TTLL5: variants seen among roughly 807,000 people sequenced by gnomAD.
The protein encoded by TTLL5 is tubulin tyrosine ligase like 5.
In TTLL5, 132 loss-of-function variants were observed where a neutral mutation model predicts 168.4. The ratio of observed to expected loss-of-function variants is 0.78; its 90% confidence interval spans 0.68 to 0.91. TTLL5 has a LOEUF of 0.91. Among genes scored for constraint, TTLL5 ranks in the 40% least tolerant of loss-of-function variants. TTLL5 has a pLI of 0.00. For missense variants in TTLL5, 1,545 were observed against 1,581.5 expected (o/e 0.98, Z 0.39); for synonymous variants, 546 against 558.6 (o/e 0.98, Z 0.32).
chr14:75,747,386 G>T (rs1467854367), intron 17 of TTLL5, among the ~76,000 whole-genome samples: 1 of 151,840 alleles, frequency 6.6e-6, no homozygotes, highest in African/African-American at 2.4e-5. Context: ...TCATTTTGGG[G>T]TCTGTTTCTA....
At chr14:75,914,033 A>AAAAAAAAAAAAATATATAT in intron 31 of TTLL5, among the ~76,000 whole-genome samples, 7 of 71,104 alleles carry the variant, frequency 9.8e-5, no homozygotes, top group Non-Finnish European at 1.5e-4. Flanking sequence ...AAAAAAAAAA[A>AAAAAAAAAAAAATATATAT]ATATATATAT....
chr14:75,934,348 T>G (rs2034369866), intron 31 of TTLL5, among the ~76,000 whole-genome samples: 1 of 152,160 alleles, frequency 6.6e-6, no homozygotes, highest in Non-Finnish European at 1.5e-5. Flanking sequence ...GTAAAGCATT[T>G]AGAGGTGGAC....
chr14:75,942,111 A>G (rs1048941302), intron 31 of TTLL5, among the ~76,000 whole-genome samples: 2 of 151,110 alleles, frequency 1.3e-5, no homozygotes, highest in African/African-American at 4.9e-5. Flanking sequence ...TGAACCAGGG[A>G]GGCGGAGCTT....
At chr14:75,688,538 G>A (rs1222999054) in intron 5 of TTLL5, among the ~76,000 whole-genome samples, 1 of 152,176 alleles carries the variant, frequency 6.6e-6, no homozygotes, top group African/African-American at 2.4e-5. Context: ...TCCCAAGGAG[G>A]GAGTCGTAGG....
rs986023977 is a variant in TTLL5 at position 75,920,111 on chromosome 14, T to A, written c.3823+17887T>A. Among the ~76,000 whole-genome samples the A allele has an allele frequency of 6.8e-5, 9 of 133,084 alleles. No individual in the cohort carries two copies. The Admixed American group carries it at 7.6e-4, about 11-fold the overall frequency. 87.3% of individuals were successfully genotyped at this position (133,084 alleles called of 152,430 possible). ...CACTCCAGCCTGGGTGAGAGTGAGA[T>A]CCTGTCTCAAAAGCAACAACAACAA... On this transcript the variant is annotated intron_variant, in intron 31 of 31. Coordinates refer to ENST00000298832, the MANE Select transcript of TTLL5 (RefSeq NM_015072.5).
chr14:75,934,387 G>A (rs1239667743), intron 31 of TTLL5, among the ~76,000 whole-genome samples: 1 of 152,178 alleles, frequency 6.6e-6, no homozygotes, highest in Non-Finnish European at 1.5e-5. Context: ...TGATACTGTA[G>A]ATTCAACCTC....
intron 26 of TTLL5, 111 bp from the exon 27 acceptor site, chr14:75,792,805 G>C: frequency 1.2e-6 from 1 of 868,816 alleles, no homozygotes; most frequent in Non-Finnish European, 1.6e-6. Flanking sequence ...TATTATTAAA[G>C]ATCCTTAGGG....
chr14:75,897,187 T>C (rs2359989), intron 30 of TTLL5, among the ~76,000 whole-genome samples: 131,845 of 151,910 alleles, frequency 0.87, 57,295 homozygotes, highest in East Asian at 0.92. Context: ...CTCAGAAAAA[T>C]GGCAGAGGCA....
At chr14:75,751,437 T>A (rs1409385725) in intron 17 of TTLL5, among the ~76,000 whole-genome samples, 4 of 152,206 alleles carry the variant, frequency 2.6e-5, no homozygotes, top group African/African-American at 9.6e-5. Flanking sequence ...AAGGATTCTT[T>A]GAACACAAAC....
chr14:75,815,363 T>A (rs1217920807), intron 27 of TTLL5, among the ~76,000 whole-genome samples: 2 of 152,240 alleles, frequency 1.3e-5, no homozygotes, highest in African/African-American at 4.8e-5. Flanking sequence ...ACTTTTGCTG[T>A]TTCTCAAATT....
intron 12 of TTLL5, among the ~76,000 whole-genome samples, chr14:75,724,870 A>G (rs1888092539): frequency 6.6e-6 from 1 of 152,230 alleles, no homozygotes; most frequent in South Asian, 2.1e-4. Context: ...ATTGTGAGAT[A>G]CAACTGGCTA....
At chr14:75,937,856 C>A (rs1334836896) in intron 31 of TTLL5, among the ~76,000 whole-genome samples, 1 of 152,120 alleles carries the variant, frequency 6.6e-6, no homozygotes, top group East Asian at 1.9e-4. Flanking sequence ...GCTTTCATTT[C>A]TTTTGGGTAC....
chr14:75,729,913 T>C (rs1284720589), intron 12 of TTLL5, among the ~76,000 whole-genome samples: 1 of 152,226 alleles, frequency 6.6e-6, no homozygotes, highest in African/African-American at 2.4e-5. Flanking sequence ...TTTGGGGAAA[T>C]GGTTAAGTAA....
At chr14:75,731,150 A>G (rs560197125) in intron 12 of TTLL5, among the ~76,000 whole-genome samples, 8 of 152,176 alleles carry the variant, frequency 5.3e-5, no homozygotes, top group Admixed American at 5.2e-4. Flanking sequence ...ATCCTTCTTG[A>G]AGCAAGGAAA....
At chr14:75,704,379 A>G (rs538408489) in intron 7 of TTLL5, among the ~76,000 whole-genome samples, 2 of 152,274 alleles carry the variant, frequency 1.3e-5, no homozygotes, top group Admixed American at 6.5e-5. Context: ...TCTCTACTAA[A>G]AATACAAAAA....
chr14:75,885,450 C>T (rs1015765257), intron 30 of TTLL5, among the ~76,000 whole-genome samples: 1 of 152,100 alleles, frequency 6.6e-6, no homozygotes, highest in Non-Finnish European at 1.5e-5. Flanking sequence ...CGAGATCGTA[C>T]CACTGCACTC....
chr14:75,854,473 T>C (rs1372600064), intron 28 of TTLL5, among the ~76,000 whole-genome samples: 1 of 152,226 alleles, frequency 6.6e-6, no homozygotes, highest in African/African-American at 2.4e-5. Flanking sequence ...ACAAATTCAG[T>C]GAAAATTCTT....
chr14:75,787,306 T>C (rs1892424561), intron 26 of TTLL5, among the ~76,000 whole-genome samples: 1 of 151,892 alleles, frequency 6.6e-6, no homozygotes, highest in Non-Finnish European at 1.5e-5. Flanking sequence ...AAGTAAAAAA[T>C]TGAAAAAAGA....
intron 30 of TTLL5, among the ~76,000 whole-genome samples, chr14:75,900,636 C>T (rs2032882980): frequency 6.6e-6 from 1 of 152,188 alleles, no homozygotes; most frequent in Non-Finnish European, 1.5e-5. Context: ...ATCTCCTTAG[C>T]TGGTCTTTAA....
Sources: allele counts gnomAD v4.1 joint callset (sites outside exome capture counted in the v4.1 genomes callset), GRCh38; gene constraint gnomAD v4.1.1; transcripts MANE v1.5; gene names NCBI Gene and HGNC (gene_info 2026-07-23, HGNC 2026-07-21).